Variants in BRINP1 observed in about 807,000 individuals in gnomAD.
BRINP1 encodes BMP/retinoic acid inducible neural specific 1, also known as BMP/retinoic acid-inducible neural-specific protein 1.
A neutral mutation model predicts 72.9 loss-of-function variants in BRINP1; 17 were observed. The ratio of observed to expected loss-of-function variants is 0.23; its 90% CI spans 0.16 to 0.35. The LOEUF is 0.35. Among genes scored for constraint, BRINP1 ranks in the 10% least tolerant of loss-of-function variants. BRINP1 has a pLI of 1.00. For missense variants in BRINP1, 850 were observed against 1,001.6 expected (o/e 0.85, Z 2.04); for synonymous variants, 418 against 378.5 (o/e 1.10, Z -1.21).
At chr9:119,255,848 A>T (rs1045128918) in intron 2 of BRINP1, among the ~76,000 whole-genome samples, 1 of 149,968 alleles carries the variant, frequency 6.7e-6, no homozygotes, top group African/African-American at 2.4e-5. Flanking sequence ...CCAGCTACTC[A>T]GGAGACTGAG....
chr9:119,167,551 G>A lies in BRINP1; in HGVS notation c.1819C>T (p.Arg607Trp), dbSNP rs866443418. 1.9e-6 allele frequency: 3 copies of A among 1,614,102 alleles called. No individual in the cohort carries two copies. Among genetic ancestry groups the A allele is most frequent in the South Asian group, 1.1e-5 (1 of 91,076 alleles). Reference sequence around the variant, plus strand: ...ACCGTCTCGAAAAATGTTTTCCACCGATTGCCCAGCAAAAGAGTCCAGTTG... The same window carrying A: ...ACCGTCTCGAAAAATGTTTTCCACCAATTGCCCAGCAAAAGAGTCCAGTTG... ...CYNWTLLLGN[R>W]WKTFFETVHI... The change falls in exon 8 of 8, where the codon CGG becomes TGG. Residue 607 changes from arginine (R) to tryptophan (W), a missense_variant. By Grantham distance (101) the Arg-to-Trp change is moderately radical. Transcript: ENST00000265922. The surrounding 1 kb of genome is among the most constrained non-coding windows in gnomAD (Gnocchi z 4.3).
intron 3 of BRINP1, 90 bp downstream of exon 3, chr9:119,248,870 G>T: frequency 1.7e-6 from 2 of 1,152,404 alleles, no homozygotes; most frequent in Non-Finnish European, 2.5e-6. Context: ...GAGAAGCTAA[G>T]AAGGCTTTGC....
intron 7 of BRINP1, among the ~76,000 whole-genome samples, chr9:119,187,415 T>C (rs1477860209): frequency 1.3e-5 from 2 of 151,860 alleles, no homozygotes; most frequent in Admixed American, 1.3e-4. Flanking sequence ...CACAAAGTCT[T>C]GTAGACTAGG....
At chr9:119,217,336 C>T (rs1829988838) in intron 5 of BRINP1, among the ~76,000 whole-genome samples, 1 of 151,738 alleles carries the variant, frequency 6.6e-6, no homozygotes, top group Admixed American at 6.6e-5. Flanking sequence ...CACAGACACA[C>T]ACACACACAC....
intron 1 of BRINP1, among the ~76,000 whole-genome samples, chr9:119,357,555 G>A (rs1476401600): frequency 6.6e-6 from 1 of 152,178 alleles, no homozygotes; most frequent in East Asian, 1.9e-4. Context: ...CCGAGGCACT[G>A]TGAAGTTAAA....
chr9:119,338,950 GAAGAA>G (rs1032379215), intron 1 of BRINP1, among the ~76,000 whole-genome samples: 1 of 151,642 alleles, frequency 6.6e-6, no homozygotes, highest in Admixed American at 6.6e-5. Context: ...AAGAAGGAAG[GAAGAA>G]AAGAAGAGAG....
intron 2 of BRINP1, among the ~76,000 whole-genome samples, chr9:119,289,000 A>C (rs1387424893): frequency 6.6e-6 from 1 of 152,172 alleles, no homozygotes; most frequent in Non-Finnish European, 1.5e-5. Flanking sequence ...GGGTTTCACC[A>C]TGTTGGTCAG....
At chr9:119,320,446 C>G (rs76278216) in intron 1 of BRINP1, among the ~76,000 whole-genome samples, 3,493 of 152,280 alleles carry the variant, frequency 0.023, 152 homozygotes, top group African/African-American at 0.079. Context: ...GTGGACAGAA[C>G]AGCCAGGGCC....
intron 7 of BRINP1, among the ~76,000 whole-genome samples, chr9:119,173,771 AT>A (rs1445889292): frequency 6.8e-6 from 1 of 146,470 alleles, no homozygotes; most frequent in African/African-American, 2.7e-5. Flanking sequence ...CCAAAACAGC[AT>A]GGTACTGGTA....
chr9:119,336,030 T>C (rs909986002), intron 1 of BRINP1, among the ~76,000 whole-genome samples: 1 of 152,228 alleles, frequency 6.6e-6, no homozygotes, highest in South Asian at 2.1e-4. Context: ...GGCTGACATG[T>C]ATGGGTAAAA....
intron 2 of BRINP1, among the ~76,000 whole-genome samples, chr9:119,301,940 A>T (rs1830943459): frequency 2.0e-5 from 3 of 152,146 alleles, no homozygotes. Context: ...CTATTCTTTC[A>T]ATTATAACAG....
At chr9:119,355,058 C>T (rs553935214) in intron 1 of BRINP1, among the ~76,000 whole-genome samples, 13 of 152,252 alleles carry the variant, frequency 8.5e-5, no homozygotes, top group South Asian at 6.2e-4. Context: ...CCTGTTCCTA[C>T]GACAAATTGC....
chr9:119,292,644 T>C (rs1234270091), intron 2 of BRINP1, among the ~76,000 whole-genome samples: 1 of 152,224 alleles, frequency 6.6e-6, no homozygotes, highest in Non-Finnish European at 1.5e-5. Flanking sequence ...AAAGTCCAAC[T>C]TCTAGTATGA....
At chr9:119,305,460 C>A (rs927591337) in intron 2 of BRINP1, among the ~76,000 whole-genome samples, 3 of 152,132 alleles carry the variant, frequency 2.0e-5, no homozygotes, top group Non-Finnish European at 4.4e-5. Flanking sequence ...AACCTTATGC[C>A]CTACTATCAG....
chr9:119,287,670 G>C (rs1478440836), intron 2 of BRINP1, among the ~76,000 whole-genome samples: 2 of 152,206 alleles, frequency 1.3e-5, no homozygotes, highest in Non-Finnish European at 2.9e-5. Flanking sequence ...CGCCATCTGA[G>C]TGGTCAAGCC....
At chr9:119,182,182 A>G (rs1372677403) in intron 7 of BRINP1, among the ~76,000 whole-genome samples, 1 of 152,232 alleles carries the variant, frequency 6.6e-6, no homozygotes, top group Non-Finnish European at 1.5e-5. Context: ...GATGGCTTGC[A>G]GATCTAAATG....
At chr9:119,255,579 T>G (rs1437121298) in intron 2 of BRINP1, among the ~76,000 whole-genome samples, 1 of 152,172 alleles carries the variant, frequency 6.6e-6, no homozygotes, top group African/African-American at 2.4e-5. Flanking sequence ...TTATTAGTCC[T>G]CTACTTTCCT....
At chr9:119,296,918 ATAAG>A (rs1157020031) in intron 2 of BRINP1, among the ~76,000 whole-genome samples, 5 of 152,204 alleles carry the variant, frequency 3.3e-5, no homozygotes, top group African/African-American at 1.2e-4. Context: ...GTTATGCCAA[ATAAG>A]TAAGTTCTGG....
At chr9:119,326,197 C>G (rs1019218914) in intron 1 of BRINP1, among the ~76,000 whole-genome samples, 4 of 152,096 alleles carry the variant, frequency 2.6e-5, no homozygotes, top group African/African-American at 9.7e-5. Flanking sequence ...GTTGTAGTAC[C>G]TAAAAATGGC....
Sources: gnomAD v4.1 joint callset for allele counts (sites outside exome capture counted in the v4.1 genomes callset) on GRCh38, gnomAD v4.1.1 for gene constraint, Gnocchi (gnomAD v3.1) non-coding constraint, MANE v1.5 for transcripts, NCBI Gene and HGNC (gene_info 2026-07-23, HGNC 2026-07-21) for gene names.